The following PCDHA13 variants were observed in gnomAD, a reference collection of about 807,000 sequenced individuals.
The protein encoded by PCDHA13 is protocadherin alpha-13.
In PCDHA13, 54 loss-of-function variants were observed where a neutral mutation model predicts 64.8. The observed-to-expected ratio is 0.83, with a 90% confidence interval of 0.67 to 1.04. The LOEUF is 1.04. Ranked by LOEUF, PCDHA13 falls within the 50% of genes least tolerant of loss-of-function variation. PCDHA13 has a pLI of 0.00. For missense variants in PCDHA13, 1,248 were observed against 1,254.3 expected, an observed-to-expected ratio of 0.99 and a Z score of 0.08; for synonymous variants, 587 against 564.4, an observed-to-expected ratio of 1.04 and a Z score of -0.57.
At position 140,883,747 on chromosome 5, in the gene PCDHA13, G is replaced by A. The variant is rs781812387; in HGVS notation, c.1479G>A (p.Ser493=). 3.1e-6 allele frequency: 5 copies of A among 1,613,274 alleles called. No individual in the cohort carries two copies. The highest frequency in any genetic ancestry group is 2.2e-5 in the South Asian group (2 of 91,042). Residue 493 remains serine (S), a synonymous_variant, in exon 1 of 4, where the codon TCG becomes TCA. Transcript: ENST00000289272. ...AGGAGAACGCGCTGGTCTCCTACTC[G>A]CTGGTGGAGCGGCGGGTGGGCGAGC... ...DAQENALVSY[S]LVERRVGERA... is the part of the protein sequence containing the mutation.
At chr5:140,941,957 A>G (rs1254816482) in intron 1 of PCDHA13, among the ~76,000 whole-genome samples, 1 of 152,234 alleles carries the variant, frequency 6.6e-6, no homozygotes, top group Non-Finnish European at 1.5e-5. Flanking sequence ...TGAAAACAAT[A>G]GTATCTTTAC....
At chr5:140,900,489 C>G (rs1429058590) in intron 1 of PCDHA13, among the ~76,000 whole-genome samples, 8 of 152,196 alleles carry the variant, frequency 5.3e-5, no homozygotes, top group African/African-American at 1.7e-4. Context: ...GTTGGTCAGA[C>G]TGGTCTCAAA....
At chr5:140,966,655 G>C in intron 1 of PCDHA13, 1 of 1,195,250 alleles carries the variant, frequency 8.4e-7, no homozygotes, top group South Asian at 2.0e-5. Context: ...CGTGAGCGGT[G>C]GGGGAGCAGG....
chr5:140,942,115 A>T (rs1440934670), intron 1 of PCDHA13, among the ~76,000 whole-genome samples: 2 of 152,232 alleles, frequency 1.3e-5, no homozygotes, highest in Non-Finnish European at 2.9e-5. Flanking sequence ...ATCAAACTTT[A>T]TTAAAGGTGA....
chr5:140,928,288 C>T (rs541893248), intron 1 of PCDHA13: 37 of 1,614,156 alleles, frequency 2.3e-5, no homozygotes, highest in East Asian at 4.5e-5. Flanking sequence ...CTCTCTAGGC[C>T]GAGTGTTTGC....
chr5:140,909,134 C>A (rs1337385284), intron 1 of PCDHA13, among the ~76,000 whole-genome samples: 3 of 152,140 alleles, frequency 2.0e-5, no homozygotes, highest in Non-Finnish European at 4.4e-5. Flanking sequence ...AGGTAATGAA[C>A]CAGTGTGATA....
At chr5:140,948,253 A>C (rs782144804) in intron 1 of PCDHA13, among the ~76,000 whole-genome samples, 14 of 151,624 alleles carry the variant, frequency 9.2e-5, no homozygotes, top group Admixed American at 2.6e-4. Flanking sequence ...ATATTTTTAC[A>C]TCTGTGTTCA....
At chr5:140,942,681 A>G (rs1554215168) in intron 1 of PCDHA13, among the ~76,000 whole-genome samples, 1 of 152,206 alleles carries the variant, frequency 6.6e-6, no homozygotes, top group African/African-American at 2.4e-5. Flanking sequence ...AGTTTTAGGA[A>G]TAACTTTAAT....
intron 1 of PCDHA13, among the ~76,000 whole-genome samples, chr5:140,888,764 T>G (rs74654123): frequency 6.6e-6 from 1 of 152,068 alleles, no homozygotes; most frequent in Non-Finnish European, 1.5e-5. Flanking sequence ...CTTTTTTTTT[T>G]AATTTTGAAG....
chr5:140,923,959 C>A (rs2153570659), intron 1 of PCDHA13, among the ~76,000 whole-genome samples: 1 of 152,348 alleles, frequency 6.6e-6, no homozygotes, highest in Non-Finnish European at 1.5e-5. Context: ...ACGCCCTAAT[C>A]TATACCCACA....
At chr5:140,997,727 C>G (rs2097783097) in intron 3 of PCDHA13, among the ~76,000 whole-genome samples, 1 of 151,244 alleles carries the variant, frequency 6.6e-6, no homozygotes, top group Admixed American at 6.6e-5. Flanking sequence ...TACGTCAGTA[C>G]ATATAGATTT....
intron 1 of PCDHA13, among the ~76,000 whole-genome samples, chr5:140,887,589 T>C (rs1271786236): frequency 6.6e-6 from 1 of 152,120 alleles, no homozygotes; most frequent in Non-Finnish European, 1.5e-5. Context: ...CTTTTGCAGA[T>C]TGATTGTGAT....
chr5:140,963,526 T>G (rs1359195018), intron 1 of PCDHA13, among the ~76,000 whole-genome samples: 3 of 152,204 alleles, frequency 2.0e-5, no homozygotes, highest in Non-Finnish European at 4.4e-5. Flanking sequence ...ATAACAGAAG[T>G]CCCATTTACT....
intron 3 of PCDHA13, among the ~76,000 whole-genome samples, chr5:141,002,404 C>T (rs1167193365): frequency 2.0e-5 from 3 of 152,200 alleles, no homozygotes; most frequent in African/African-American, 7.2e-5. Context: ...CTCTGTGCCT[C>T]CCAAATAGTA....
At chr5:140,965,994 T>C (rs1377339531) in intron 1 of PCDHA13, among the ~76,000 whole-genome samples, 1 of 152,130 alleles carries the variant, frequency 6.6e-6, no homozygotes, top group Non-Finnish European at 1.5e-5. Context: ...TCTGCAGTAC[T>C]TAAGAGTGTC....
chr5:140,928,974 A>G (rs772759035), intron 1 of PCDHA13: 2 of 1,613,574 alleles, frequency 1.2e-6, no homozygotes, highest in Non-Finnish European at 1.7e-6. Flanking sequence ...TTTCCTTTTT[A>G]TTTCTGGGGT....
chr5:141,009,021 G>A (rs997779963), intron 3 of PCDHA13, among the ~76,000 whole-genome samples: 1 of 152,246 alleles, frequency 6.6e-6, no homozygotes, highest in Non-Finnish European at 1.5e-5. Context: ...TTTAGGCTCT[G>A]TATTTCCCAT....
At position 140,984,181 on chromosome 5, in the gene PCDHA13, C is replaced by T. The variant is rs995252456; in HGVS notation, c.2542+1618C>T. Among the ~76,000 whole-genome samples, 5 of 152,210 alleles carry T rather than the reference C, an allele frequency of 3.3e-5. No individual in the cohort carries two copies. In the East Asian group the frequency reaches 9.6e-4, roughly 29 times the overall value. Reference sequence around the variant, plus strand: ...ACTTCCCAAAGAAGCCACGTGAAATCATGACTTTCTACCTTGCCTTTATTT... The same window carrying T: ...ACTTCCCAAAGAAGCCACGTGAAATTATGACTTTCTACCTTGCCTTTATTT... On this transcript the variant is annotated intron_variant, in intron 3 of 3. Coordinates refer to ENST00000289272, the MANE Select transcript of PCDHA13 (RefSeq NM_018904.3).
intron 1 of PCDHA13, among the ~76,000 whole-genome samples, chr5:140,897,778 T>C (rs1402383058): frequency 2.0e-5 from 3 of 152,208 alleles, no homozygotes; most frequent in Non-Finnish European, 2.9e-5. Context: ...ACTTCCACAA[T>C]GGTTGAACTA....
Sources: gnomAD v4.1 joint callset for allele counts (sites outside exome capture counted in the v4.1 genomes callset) on GRCh38, gnomAD v4.1.1 for gene constraint, MANE v1.5 for transcripts, NCBI Gene and HGNC (gene_info 2026-07-23, HGNC 2026-07-21) for gene names.